The following ACOXL variants were observed in gnomAD, a reference collection of about 807,000 sequenced individuals.
ACOXL encodes the protein acyl-coenzyme A oxidase-like protein.
ACOXL carries 70 observed loss-of-function variants against 71.9 expected under a neutral mutation model. The ratio of observed to expected loss-of-function variants is 0.97; its 90% CI spans 0.80 to 1.19. The LOEUF is 1.19. Ranked by LOEUF, ACOXL falls within the 50% of genes most tolerant of loss-of-function variation. ACOXL has a pLI of 0.00. For missense variants in ACOXL, 703 were observed against 736.3 expected (o/e 0.95, Z 0.52); for synonymous variants, 253 against 281.6 (o/e 0.90, Z 1.02).
chr2:110,829,148 A>G (rs1308477201), intron 9 of ACOXL, among the ~76,000 whole-genome samples: 1 of 151,980 alleles, frequency 6.6e-6, no homozygotes, highest in Non-Finnish European at 1.5e-5. Context: ...GGGGCTTTGG[A>G]TGATGTTGAG....
At chr2:110,807,056 A>G (rs1449838161) in intron 9 of ACOXL, among the ~76,000 whole-genome samples, 1 of 152,172 alleles carries the variant, frequency 6.6e-6, no homozygotes, top group African/African-American at 2.4e-5. Flanking sequence ...ATCATGGACC[A>G]GCCCCTGCCA....
At chr2:110,953,466 C>T (rs62159559) in intron 12 of ACOXL, among the ~76,000 whole-genome samples, 1 of 151,930 alleles carries the variant, frequency 6.6e-6, no homozygotes, top group Non-Finnish European at 1.5e-5. Context: ...CAGAGGAGTG[C>T]GTCTTCTGCA....
chr2:110,985,048 G>A lies in ACOXL; in HGVS notation c.1060-2060G>A, dbSNP rs145313398. ...AGAAAGCAATTTGTTCATACTTGGA[G>A]TGACATTGCTTCTGCAGCAAGAGTG... On this transcript the variant is annotated intron_variant, in intron 12 of 17. Transcript: ENST00000439055. Among the ~76,000 whole-genome samples the A allele has an allele frequency of 7.2e-5, 11 of 152,324 alleles. No homozygotes were observed. The East Asian group carries it at 2.1e-3, about 29-fold the overall frequency.
intron 10 of ACOXL, among the ~76,000 whole-genome samples, chr2:110,881,328 T>G (rs1345749206): frequency 6.6e-6 from 1 of 152,100 alleles, no homozygotes; most frequent in Non-Finnish European, 1.5e-5. Context: ...GTGAAATTAT[T>G]AAATTATTTG....
intron 17 of ACOXL, among the ~76,000 whole-genome samples, chr2:111,101,523 T>C (rs2069158502): frequency 1.3e-5 from 2 of 152,164 alleles, no homozygotes; most frequent in Admixed American, 1.3e-4. Flanking sequence ...ACGCTAGAAT[T>C]GAATGTAACA....
In ACOXL at chr2:110,765,339, G is replaced by A. The variant is rs539240661; in HGVS notation, c.-22-3029G>A. On this transcript the variant is annotated intron_variant, in intron 1 of 17. Transcript: ENST00000439055. ...TTATGTCTTTTACCAAGTAGGGGAA[G>A]TTTTTAGCTATTATATCTTATACTA... Among the ~76,000 whole-genome samples the A allele has an allele frequency of 2.4e-4, 36 of 152,278 alleles. No individual in the cohort carries two copies. The South Asian group carries it at 7.0e-3, about 30-fold the overall frequency.
chr2:110,768,535 A>T, intron 2 of ACOXL, 71 bp downstream of exon 2: 2 of 1,406,930 alleles, frequency 1.4e-6, no homozygotes, highest in South Asian at 1.2e-5. Context: ...AGAGAGAGAG[A>T]GAGTTTTTTT....
rs1683814233 is a variant in ACOXL, at chr2:110,785,276, A to G, written c.159+461A>G. Among the ~76,000 whole-genome samples the G allele has an allele frequency of 2.0e-5, 3 of 152,184 alleles. No individual in the cohort carries two copies. The South Asian group carries it at 6.2e-4, about 31-fold the overall frequency. On this transcript the variant is annotated intron_variant, in intron 3 of 17. Coordinates refer to ENST00000439055, the MANE Select transcript of ACOXL (RefSeq NM_001142807.4). ...TAGTCATGGTGACATCTTATGTAGC[A>G]GTAATGCAATGTAAAATCAGGAAAT...
intron 9 of ACOXL, among the ~76,000 whole-genome samples, chr2:110,831,474 C>A (rs776100930): frequency 6.6e-6 from 1 of 152,116 alleles, no homozygotes; most frequent in Non-Finnish European, 1.5e-5. Context: ...AATGGAGACA[C>A]GTACCATGTT....
At chr2:110,890,395 G>A (rs369974020) in intron 10 of ACOXL, among the ~76,000 whole-genome samples, 8 of 152,242 alleles carry the variant, frequency 5.3e-5, no homozygotes, top group African/African-American at 1.7e-4. Context: ...CCTAATCCAA[G>A]GTCATGAGGA....
intron 12 of ACOXL, among the ~76,000 whole-genome samples, chr2:110,976,299 T>A (rs1439717115): frequency 6.6e-6 from 1 of 152,152 alleles, no homozygotes; most frequent in African/African-American, 2.4e-5. Context: ...GACTCTGGGG[T>A]GGGGGAATTC....
intron 14 of ACOXL, among the ~76,000 whole-genome samples, chr2:111,023,048 G>T (rs1057000016): frequency 6.6e-6 from 1 of 152,190 alleles, no homozygotes; most frequent in African/African-American, 2.4e-5. Flanking sequence ...CATACTCCAT[G>T]TCTGTTGTTG....
Position 110,921,388 on chromosome 2 carries a change from A to ACCCCCC in ACOXL, c.906-12094_906-12089dup, listed in dbSNP as rs376926482. 2.4e-4 allele frequency among the ~76,000 whole-genome samples: 14 copies of ACCCCCC among 57,556 alleles called. 1 individual carries two copies. The highest frequency in any genetic ancestry group is 3.6e-4 in the Non-Finnish European group (10 of 27,694). 37.8% of individuals were successfully genotyped at this position (57,556 alleles called of 152,430 possible). A position where few individuals can be genotyped will look rare whatever the true frequency, so the allele number is the denominator to read the frequency against. On this transcript the variant is annotated intron_variant, in intron 11 of 17. Transcript: ENST00000439055. ...TCTCTCTCTGTGTCTCTATATATCC[A>ACCCCCC]CCCCCCCCCCCCTTTTTTTTTTGAG...
intron 3 of ACOXL, among the ~76,000 whole-genome samples, chr2:110,787,416 C>T (rs370409549): frequency 4.6e-5 from 7 of 151,756 alleles, no homozygotes; most frequent in Admixed American, 3.9e-4. Context: ...CGCCTGTAGT[C>T]CCAGCTACTC....
At chr2:110,918,998 T>A (rs1394083887) in intron 11 of ACOXL, among the ~76,000 whole-genome samples, 2 of 152,194 alleles carry the variant, frequency 1.3e-5, no homozygotes, top group East Asian at 3.8e-4. Context: ...AGTGTGGCAA[T>A]TCCTCAAGGA....
chr2:110,854,886 C>T (rs1693052886), intron 10 of ACOXL, among the ~76,000 whole-genome samples: 2 of 152,200 alleles, frequency 1.3e-5, no homozygotes, highest in African/African-American at 2.4e-5. Flanking sequence ...CTCCACCTTC[C>T]CTGGAATCTG....
At chr2:110,808,034 C>T (rs1686883290) in intron 9 of ACOXL, among the ~76,000 whole-genome samples, 1 of 152,050 alleles carries the variant, frequency 6.6e-6, no homozygotes, top group South Asian at 2.1e-4. Context: ...AAAGCCTTGC[C>T]ATATTGACCA....
intron 9 of ACOXL, among the ~76,000 whole-genome samples, chr2:110,830,542 T>A (rs1386857457): frequency 6.6e-6 from 1 of 152,094 alleles, no homozygotes; most frequent in Non-Finnish European, 1.5e-5. Flanking sequence ...TGTATAATTT[T>A]TTTTTTTTTG....
At chr2:110,916,226 T>A (rs938485652) in intron 11 of ACOXL, among the ~76,000 whole-genome samples, 6 of 150,638 alleles carry the variant, frequency 4.0e-5, no homozygotes, top group African/African-American at 7.5e-5. Context: ...AAGAAAACAA[T>A]TTTTGTGGCT....
Sources: gnomAD v4.1 joint callset for allele counts (sites outside exome capture counted in the v4.1 genomes callset) on GRCh38, gnomAD v4.1.1 for gene constraint, MANE v1.5 for transcripts, NCBI Gene and HGNC (gene_info 2026-07-23, HGNC 2026-07-21) for gene names.